Variants in HDAC4 observed in about 807,000 individuals in gnomAD.
HDAC4 encodes histone deacetylase 4.
HDAC4 carries 16 observed loss-of-function variants against 135.1 expected under a neutral mutation model. The observed-to-expected ratio is 0.12, with a 90% CI of 0.08 to 0.18. The LOEUF (loss-of-function observed/expected upper bound fraction) is 0.18, where lower values mean the gene tolerates loss of function less well. Ranked by LOEUF, HDAC4 falls within the 10% of genes least tolerant of loss-of-function variation. The pLI is 1.00. For synonymous variants in HDAC4, 685 were observed against 653.4 expected (o/e 1.05, Z -0.74); for missense variants, 1,143 against 1,511.8 (o/e 0.76, Z 4.05).
intron 2 of HDAC4, among the ~76,000 whole-genome samples, chr2:239,335,713 G>GT (rs750752493): frequency 1.3e-5 from 2 of 151,988 alleles, no homozygotes; most frequent in Non-Finnish European, 2.9e-5. Context: ...GTCAATAAAC[G>GT]TATGAAAAGG....
At chr2:239,312,006 A>G (rs2125710265) in intron 2 of HDAC4, among the ~76,000 whole-genome samples, 1 of 152,332 alleles carries the variant, frequency 6.6e-6, no homozygotes, top group Middle Eastern at 3.4e-3. Flanking sequence ...AAGGGGAAAC[A>G]GAGAAGAATG....
At chr2:239,350,660 C>T (rs919439573) in intron 2 of HDAC4, among the ~76,000 whole-genome samples, 9 of 152,122 alleles carry the variant, frequency 5.9e-5, no homozygotes, top group East Asian at 1.9e-4. Context: ...CACGCCACCA[C>T]GCCCAGCTAA....
At chr2:239,368,250 C>T (rs922659338) in intron 1 of HDAC4, among the ~76,000 whole-genome samples, 1 of 152,062 alleles carries the variant, frequency 6.6e-6, no homozygotes, top group African/African-American at 2.4e-5. Flanking sequence ...CCTCTTCCTT[C>T]GGAGACACAG....
At chr2:239,082,294 C>G (rs746790937) in intron 20 of HDAC4, 73 bp from the exon 21 acceptor site, 4 of 1,590,960 alleles carry the variant, frequency 2.5e-6, no homozygotes, top group Non-Finnish European at 3.4e-6. Context: ...GGGCCGTCCC[C>G]AACCCCAGTT....
chr2:239,361,735 C>T (rs1251413367), intron 1 of HDAC4, among the ~76,000 whole-genome samples: 1 of 152,194 alleles, frequency 6.6e-6, no homozygotes, highest in South Asian at 2.1e-4. Flanking sequence ...CTGCCCATTC[C>T]GTCACCTTCT....
intron 3 of HDAC4, among the ~76,000 whole-genome samples, chr2:239,226,311 C>G (rs2153144278): frequency 6.6e-6 from 1 of 152,300 alleles, no homozygotes; most frequent in South Asian, 2.1e-4. Context: ...TTTCTTCCAA[C>G]CAATCATCAC....
intron 2 of HDAC4, among the ~76,000 whole-genome samples, chr2:239,328,096 C>A (rs1463283974): frequency 6.6e-6 from 1 of 152,220 alleles, no homozygotes; most frequent in Admixed American, 6.5e-5. Context: ...ACATTCCCAC[C>A]ATCCACCTAT....
At chr2:239,172,293 A>AAAAAAATATAT (rs1278028621) in intron 5 of HDAC4, among the ~76,000 whole-genome samples, 2 of 115,054 alleles carry the variant, frequency 1.7e-5, no homozygotes, top group African/African-American at 6.3e-5. Flanking sequence ...GGTGAAAAAA[A>AAAAAAATATAT]ATATATATAT....
chr2:239,281,295 G>T lies in HDAC4; in HGVS notation c.23-44631C>A, dbSNP rs191155482. Among the ~76,000 whole-genome samples, 708 of 98,748 alleles carry T rather than the reference G, an allele frequency of 7.2e-3. 6 individuals carry two copies. Among genetic ancestry groups the T allele is most frequent in the Non-Finnish European group, 9.0e-3 (378 of 41,784 alleles). The allele number at this position is 98,748 out of a possible 152,430, so 64.8% of individuals were successfully genotyped here. A position where few individuals can be genotyped will look rare whatever the true frequency, so the allele number is the denominator to read the frequency against. ...CACAATGAACACACCACTCTACAATGAACACACCACTCTACACACAATGTA... is the reference window on the plus strand; with the variant it reads ...CACAATGAACACACCACTCTACAATTAACACACCACTCTACACACAATGTA... On this transcript the variant is annotated intron_variant, in intron 2 of 26. Transcript: ENST00000543185.
At chr2:239,103,898 C>T (rs2037883763) in intron 15 of HDAC4, among the ~76,000 whole-genome samples, 1 of 152,270 alleles carries the variant, frequency 6.6e-6, no homozygotes, top group African/African-American at 2.4e-5. Flanking sequence ...GGGGCGGAGC[C>T]AAGAACTCAG....
At chr2:239,398,265 G>A (rs1696700150) in intron 1 of HDAC4, among the ~76,000 whole-genome samples, 1 of 152,216 alleles carries the variant, frequency 6.6e-6, no homozygotes, top group South Asian at 2.1e-4. Context: ...GAATGGTATG[G>A]ATGAATTCTA....
chr2:239,116,598 C>A (rs1000167622), intron 12 of HDAC4, among the ~76,000 whole-genome samples: 8 of 152,264 alleles, frequency 5.3e-5, no homozygotes, highest in African/African-American at 1.7e-4. Context: ...GCTTTGCAAT[C>A]TTCTTCATGT....
chr2:239,176,576 G>A lies in HDAC4; in HGVS notation c.340-13C>T, dbSNP rs1441755635. 3 of 1,611,534 alleles carry A rather than the reference G, an allele frequency of 1.9e-6. No homozygotes were observed. Among genetic ancestry groups the A allele is most frequent in the Non-Finnish European group, 2.5e-6 (3 of 1,179,578 alleles). On this transcript the variant is annotated splice_polypyrimidine_tract_variant and intron_variant, in intron 4 of 26. Coordinates refer to ENST00000543185, the MANE Select transcript of HDAC4 (RefSeq NM_001378414.1). ...TCTCCTGTTGTTGCTGCAAGTGGAA[G>A]GAGGAGACAGACGGTCAGAGCCCAG...
chr2:239,105,482 G>A (rs1315675048), intron 15 of HDAC4, among the ~76,000 whole-genome samples: 1 of 152,232 alleles, frequency 6.6e-6, no homozygotes, highest in Non-Finnish European at 1.5e-5. Flanking sequence ...GAGGCAGGGA[G>A]CGAGACAGCT....
Position 239,245,874 on chromosome 2 carries a change from A to G in HDAC4, c.23-9210T>C, listed in dbSNP as rs575106756. 4.0e-4 allele frequency among the ~76,000 whole-genome samples: 61 copies of G among 152,234 alleles called. No homozygotes were observed. Among genetic ancestry groups the G allele is most frequent in the African/African-American group, 1.4e-3 (57 of 41,534 alleles). On this transcript the variant is annotated intron_variant, in intron 2 of 26. Coordinates refer to ENST00000543185, the MANE Select transcript of HDAC4 (RefSeq NM_001378414.1). This position sits in a 1 kb window ranked among gnomAD's most constrained non-coding sequence, Gnocchi z 4.4. ...AGTCTTCAGTTCATCCCCAGCCCCTATGTGTTCAAGCAGACACACACGTCT... is the reference window on the plus strand; with the variant it reads ...AGTCTTCAGTTCATCCCCAGCCCCTGTGTGTTCAAGCAGACACACACGTCT...
chr2:239,249,382 A>G (rs2048651571), intron 2 of HDAC4, among the ~76,000 whole-genome samples: 1 of 152,198 alleles, frequency 6.6e-6, no homozygotes. Flanking sequence ...GGGATCCATC[A>G]GGACTCTGCG....
chr2:239,088,688 T>C (rs903051348), intron 18 of HDAC4, among the ~76,000 whole-genome samples: 1 of 152,152 alleles, frequency 6.6e-6, no homozygotes, highest in East Asian at 1.9e-4. Context: ...TCAGACATTT[T>C]AGTAGATCTC....
At chr2:239,062,368 A>G (rs2032878702) in intron 24 of HDAC4, among the ~76,000 whole-genome samples, 1 of 152,240 alleles carries the variant, frequency 6.6e-6, no homozygotes, top group Non-Finnish European at 1.5e-5. Flanking sequence ...TGTGTGCCAG[A>G]TCGCCTGGCA....
chr2:239,219,495 G>A (rs1240316152), intron 3 of HDAC4, among the ~76,000 whole-genome samples: 38 of 151,962 alleles, frequency 2.5e-4, no homozygotes, highest in Admixed American at 2.5e-3. Flanking sequence ...GGGAGGGATA[G>A]CATTAAGAGA....
Sources: allele counts gnomAD v4.1 joint callset (sites outside exome capture counted in the v4.1 genomes callset), GRCh38; gene constraint gnomAD v4.1.1; non-coding constraint Gnocchi (gnomAD v3.1); transcripts MANE v1.5; gene names NCBI Gene and HGNC (gene_info 2026-07-23, HGNC 2026-07-21).